Variants in ELP3 observed in about 807,000 individuals in gnomAD.
The protein encoded by ELP3 is elongator complex protein 3.
ELP3 carries 56 observed loss-of-function variants against 74.9 expected under a neutral mutation model. That is an observed-to-expected ratio of 0.75 (90% CI 0.60 to 0.93). The LOEUF (loss-of-function observed/expected upper bound fraction) is 0.93, where lower values mean the gene tolerates loss of function less well. Ranked by LOEUF, ELP3 falls within the 40% of genes least tolerant of loss-of-function variation. The probability of loss-of-function intolerance (pLI) is 0.00; values close to 1 mark genes in which losing one functional copy is unlikely to be tolerated. For missense variants in ELP3, 573 were observed against 686.5 expected, an observed-to-expected ratio of 0.83 and a Z score of 1.85; for synonymous variants, 222 against 239.8, an observed-to-expected ratio of 0.93 and a Z score of 0.68.
In ELP3 at chr8:28,097,203, A is replaced by G; in HGVS notation, c.20-16A>G. ...AATGATACGATTTTTGACATTGTTG[A>G]ATATTAACTTTCCAGGAGATCTCAG... On this transcript the variant is annotated splice_polypyrimidine_tract_variant and intron_variant, in intron 1 of 14. Coordinates refer to ENST00000256398, the MANE Select transcript of ELP3 (RefSeq NM_018091.6). The G allele has an allele frequency of 6.4e-7, 1 of 1,550,812 alleles. No homozygotes were observed. Among genetic ancestry groups the G allele is most frequent in the Non-Finnish European group, 8.8e-7 (1 of 1,136,394 alleles).
chr8:28,190,193 CATTGGAGCGCAAGTT>C lies in ELP3; in HGVS notation c.*470_*484del, dbSNP rs1299944887. ...AATCTCAGCCCTTTAACGACATACG[CATTGGAGCGCAAGTT>C]AGGAAAATGAGCTTTTGTTTTCATG... On this transcript the variant is annotated 3_prime_UTR_variant, in exon 15 of 15. Transcript: ENST00000256398. 3 of 154,180 alleles carry C rather than the reference CATTGGAGCGCAAGTT, an allele frequency of 1.9e-5. No individual in the cohort carries two copies. Among genetic ancestry groups the C allele is most frequent in the African/African-American group, 7.2e-5 (3 of 41,438 alleles). The allele number at this position is 154,180 out of a possible 1,614,324, so 9.6% of individuals were successfully genotyped here.
chr8:28,137,202 A>G (rs1813022721), intron 9 of ELP3, among the ~76,000 whole-genome samples: 1 of 152,146 alleles, frequency 6.6e-6, no homozygotes, highest in Non-Finnish European at 1.5e-5. Flanking sequence ...AGAAAGGTAT[A>G]CTCTAGAGGT....
At chr8:28,185,621 T>A (rs1815208912) in intron 14 of ELP3, among the ~76,000 whole-genome samples, 1 of 152,086 alleles carries the variant, frequency 6.6e-6, no homozygotes, top group Admixed American at 6.5e-5. Flanking sequence ...AGGGGAAGTA[T>A]CTGCACAGGT....
At chr8:28,140,903 T>A (rs1283131280) in intron 10 of ELP3, among the ~76,000 whole-genome samples, 1 of 152,180 alleles carries the variant, frequency 6.6e-6, no homozygotes, top group Non-Finnish European at 1.5e-5. Context: ...ATATATCAGA[T>A]AAGGTGTGTT....
Position 28,176,920 on chromosome 8 carries a change from C to T in ELP3, c.1568-12729C>T, listed in dbSNP as rs186313736. 8.5e-5 allele frequency among the ~76,000 whole-genome samples: 13 copies of T among 152,120 alleles called. No individual in the cohort carries two copies. The East Asian group carries it at 2.3e-3, about 27-fold the overall frequency. On this transcript the variant is annotated intron_variant, in intron 14 of 14. Transcript: ENST00000256398. ...GGCCATCCTATGTCACATCATAGGC[C>T]AGACTCCCTGAAAGAAAAAAACTCT...
intron 10 of ELP3, among the ~76,000 whole-genome samples, chr8:28,152,372 A>G (rs1813673081): frequency 6.6e-6 from 1 of 152,198 alleles, no homozygotes; most frequent in Non-Finnish European, 1.5e-5. Flanking sequence ...CCCTTATCAG[A>G]TACATGATTT....
At chr8:28,175,348 A>C (rs1009604528) in intron 14 of ELP3, among the ~76,000 whole-genome samples, 15 of 152,184 alleles carry the variant, frequency 9.9e-5, no homozygotes, top group African/African-American at 3.6e-4. Flanking sequence ...AGACTAGATA[A>C]ATTCAGTTGC....
At chr8:28,177,438 T>C (rs1814804473) in intron 14 of ELP3, among the ~76,000 whole-genome samples, 1 of 152,240 alleles carries the variant, frequency 6.6e-6, no homozygotes, top group Non-Finnish European at 1.5e-5. Flanking sequence ...AATGAATATA[T>C]TTCCTTGTGT....
chr8:28,138,188 C>T (rs1177680994), intron 10 of ELP3, among the ~76,000 whole-genome samples: 1 of 152,140 alleles, frequency 6.6e-6, no homozygotes, highest in East Asian at 1.9e-4. Context: ...GTTTCCTCTT[C>T]CAGGTCTGCT....
At chr8:28,096,289 A>G (rs1811249888) in intron 1 of ELP3, among the ~76,000 whole-genome samples, 1 of 152,236 alleles carries the variant, frequency 6.6e-6, no homozygotes, top group African/African-American at 2.4e-5. Flanking sequence ...ACAATGCAGT[A>G]ATAAAAATAA....
At chr8:28,123,453 G>A (rs1289858525) in intron 7 of ELP3, among the ~76,000 whole-genome samples, 2 of 152,088 alleles carry the variant, frequency 1.3e-5, no homozygotes, top group Non-Finnish European at 2.9e-5. Context: ...GGTCTCTCTT[G>A]GTGAACATGC....
chr8:28,150,501 G>T (rs1813601139), intron 10 of ELP3, among the ~76,000 whole-genome samples: 1 of 152,014 alleles, frequency 6.6e-6, no homozygotes, highest in Non-Finnish European at 1.5e-5. Flanking sequence ...TTGGTGGCGG[G>T]TGTTTTTTTT....
intron 10 of ELP3, among the ~76,000 whole-genome samples, 166 bp downstream of exon 10, chr8:28,138,057 T>C (rs1041959286): frequency 6.6e-6 from 1 of 152,228 alleles, no homozygotes; most frequent in Non-Finnish European, 1.5e-5. Context: ...ATAGCATGTC[T>C]AAGCCACTTT....
At chr8:28,151,571 G>A (rs1474629877) in intron 10 of ELP3, among the ~76,000 whole-genome samples, 3 of 152,202 alleles carry the variant, frequency 2.0e-5, no homozygotes, top group African/African-American at 7.2e-5. Flanking sequence ...TAACCCGATG[G>A]TAAGATGATG....
intron 14 of ELP3, among the ~76,000 whole-genome samples, chr8:28,173,342 A>T (rs1202637297): frequency 6.6e-6 from 1 of 151,866 alleles, no homozygotes; most frequent in Admixed American, 6.6e-5. Context: ...GTCAGTTTTT[A>T]TGTTTCTAGA....
At chr8:28,161,439 C>A (rs1352646022) in intron 13 of ELP3, among the ~76,000 whole-genome samples, 1 of 151,682 alleles carries the variant, frequency 6.6e-6, no homozygotes, top group Non-Finnish European at 1.5e-5. Context: ...CTGGGCGTGG[C>A]GGCACGTGCC....
At chr8:28,123,205 T>G (rs1192973341) in intron 7 of ELP3, among the ~76,000 whole-genome samples, 1 of 152,260 alleles carries the variant, frequency 6.6e-6, no homozygotes, top group African/African-American at 2.4e-5. Context: ...CACATTTTGA[T>G]ATGGTGTATT....
At chr8:28,145,511 A>G (rs1007340994) in intron 10 of ELP3, among the ~76,000 whole-genome samples, 1 of 152,226 alleles carries the variant, frequency 6.6e-6, no homozygotes, top group African/African-American at 2.4e-5. Flanking sequence ...TGCCTTTAGA[A>G]AATCTGCATA....
chr8:28,158,133 A>G (rs908551825), intron 11 of ELP3, among the ~76,000 whole-genome samples: 18 of 151,512 alleles, frequency 1.2e-4, no homozygotes, highest in Middle Eastern at 3.2e-3. Context: ...GATGCTAAAA[A>G]TGTTAACTGC....
Sources: allele counts gnomAD v4.1 joint callset (sites outside exome capture counted in the v4.1 genomes callset), GRCh38; gene constraint gnomAD v4.1.1; transcripts MANE v1.5; gene names NCBI Gene and HGNC (gene_info 2026-07-23, HGNC 2026-07-21).